The following SERPINI1 variants were observed in gnomAD, a reference collection of about 807,000 sequenced individuals.
SERPINI1 encodes serpin family I member 1.
Under a neutral mutation model 41.1 loss-of-function variants are expected in SERPINI1, and 19 were observed. That is an observed-to-expected ratio of 0.46 (90% CI 0.32 to 0.68). The LOEUF (loss-of-function observed/expected upper bound fraction) is 0.68, where lower values mean the gene tolerates loss of function less well. Among genes scored for constraint, SERPINI1 ranks in the 30% least tolerant of loss-of-function variants. The probability of loss-of-function intolerance (pLI) is 0.03; values close to 1 mark genes in which losing one functional copy is unlikely to be tolerated. For synonymous variants in SERPINI1, 138 were observed against 156.6 expected (o/e 0.88, Z 0.89); for missense variants, 460 against 479.2 (o/e 0.96, Z 0.37).
chr3:167,757,401 T>C (rs1559997108), intron 1 of SERPINI1, among the ~76,000 whole-genome samples: 1 of 152,174 alleles, frequency 6.6e-6, no homozygotes, highest in African/African-American at 2.4e-5. Flanking sequence ...CTCCTTGGTG[T>C]TACATAGGAA....
At chr3:167,809,038 G>A (rs2108568185) in intron 6 of SERPINI1, among the ~76,000 whole-genome samples, 1 of 152,220 alleles carries the variant, frequency 6.6e-6, no homozygotes, top group South Asian at 2.1e-4. Flanking sequence ...TTTTCTAAAT[G>A]TCTACTATAT....
At chr3:167,781,555 G>A (rs970568009) in intron 1 of SERPINI1, among the ~76,000 whole-genome samples, 1 of 148,490 alleles carries the variant, frequency 6.7e-6, no homozygotes, top group Non-Finnish European at 1.5e-5. Context: ...ACATACAAAA[G>A]TCTGAGAATT....
At chr3:167,771,151 C>A (rs1237184504) in intron 1 of SERPINI1, among the ~76,000 whole-genome samples, 2 of 152,100 alleles carry the variant, frequency 1.3e-5, no homozygotes, top group African/African-American at 2.4e-5. Flanking sequence ...TATCTTTTGA[C>A]CCAACAATTT....
chr3:167,806,067 C>T (rs932291099), intron 5 of SERPINI1, among the ~76,000 whole-genome samples: 6 of 152,016 alleles, frequency 3.9e-5, no homozygotes, highest in Non-Finnish European at 2.9e-5. Context: ...GACTTGGAAC[C>T]AACCCAAATG....
intron 5 of SERPINI1, among the ~76,000 whole-genome samples, chr3:167,804,890 C>G (rs1471211256): frequency 1.3e-5 from 2 of 152,072 alleles, no homozygotes; most frequent in East Asian, 3.9e-4. Context: ...TGGTCCATGT[C>G]TTTCACAAGA....
At chr3:167,807,365 A>G in intron 6 of SERPINI1, 24 bp downstream of exon 6, 2 of 1,395,140 alleles carry the variant, frequency 1.4e-6, no homozygotes, top group Non-Finnish European at 2.0e-6. Context: ...ACAAATTTTT[A>G]AAAATGTTAT....
At chr3:167,739,076 C>T (rs927613805) in intron 1 of SERPINI1, among the ~76,000 whole-genome samples, 3 of 149,670 alleles carry the variant, frequency 2.0e-5, no homozygotes, top group Non-Finnish European at 4.4e-5. Flanking sequence ...TCAGAATTAA[C>T]GTACACAAAT....
Position 167,786,443 on chromosome 3 carries a change from G to C in SERPINI1, c.-18-2668G>C, listed in dbSNP as rs1727312819. On this transcript the variant is annotated intron_variant, in intron 1 of 8. Coordinates refer to ENST00000446050, the MANE Select transcript of SERPINI1 (RefSeq NM_001122752.2). ...GAAAGGCGTGAACCCGGGAGGCGGAGGTTGCAGTGAGCCGAGATCGCACCA... is the reference window on the plus strand; with the variant it reads ...GAAAGGCGTGAACCCGGGAGGCGGACGTTGCAGTGAGCCGAGATCGCACCA... Among the ~76,000 whole-genome samples the C allele has an allele frequency of 2.7e-5, 4 of 150,088 alleles. No individual in the cohort carries two copies. The South Asian group carries it at 8.4e-4, about 32-fold the overall frequency.
chr3:167,817,540 G>T (rs924767835), intron 6 of SERPINI1, among the ~76,000 whole-genome samples: 6 of 151,732 alleles, frequency 4.0e-5, no homozygotes, highest in Middle Eastern at 3.4e-3. Context: ...ATGGTTACTG[G>T]ATTATTCAAA....
chr3:167,817,699 G>A (rs1340822520), intron 6 of SERPINI1, among the ~76,000 whole-genome samples: 3 of 151,932 alleles, frequency 2.0e-5, no homozygotes, highest in Admixed American at 1.3e-4. Flanking sequence ...CTGGGTTCAC[G>A]CCATTCTCCT....
intron 1 of SERPINI1, among the ~76,000 whole-genome samples, chr3:167,766,222 C>G (rs1300304647): frequency 8.8e-6 from 1 of 113,886 alleles, no homozygotes; most frequent in Non-Finnish European, 1.7e-5. Context: ...GGGCAATTTA[C>G]CTAAAAAAAA....
intron 1 of SERPINI1, among the ~76,000 whole-genome samples, chr3:167,740,747 C>T (rs1693652574): frequency 6.6e-6 from 1 of 152,188 alleles, no homozygotes; most frequent in Non-Finnish European, 1.5e-5. Flanking sequence ...TGCATGGGCG[C>T]ATGCTTCAGA....
chr3:167,811,759 G>A (rs1255938297), intron 6 of SERPINI1, among the ~76,000 whole-genome samples: 2 of 152,114 alleles, frequency 1.3e-5, no homozygotes, highest in African/African-American at 4.8e-5. Context: ...ACTCATGCCT[G>A]TAATTCCAGC....
At chr3:167,774,289 A>G (rs993198950) in intron 1 of SERPINI1, among the ~76,000 whole-genome samples, 1 of 152,190 alleles carries the variant, frequency 6.6e-6, no homozygotes, top group African/African-American at 2.4e-5. Flanking sequence ...ATTCAAGTTA[A>G]TATTAGTATT....
chr3:167,818,152 A>C (rs1014871977), intron 6 of SERPINI1, among the ~76,000 whole-genome samples: 7 of 151,522 alleles, frequency 4.6e-5, no homozygotes, highest in Non-Finnish European at 1.0e-4. Flanking sequence ...CAGCCTCCCT[A>C]GCAGCTGGGA....
At chr3:167,774,964 C>G (rs920719433) in intron 1 of SERPINI1, among the ~76,000 whole-genome samples, 15 of 152,052 alleles carry the variant, frequency 9.9e-5, no homozygotes, top group Admixed American at 9.8e-4. Context: ...AAACAAGCTA[C>G]AAATATAATA....
intron 1 of SERPINI1, among the ~76,000 whole-genome samples, chr3:167,778,985 T>G (rs909063736): frequency 6.6e-6 from 1 of 152,190 alleles, no homozygotes. Flanking sequence ...CAAAGACAAT[T>G]TCAACTGTAG....
At chr3:167,823,428 T>TTGTCAGCATTAAGAATAACA (rs1326844825) in intron 7 of SERPINI1, among the ~76,000 whole-genome samples, 5 of 152,264 alleles carry the variant, frequency 3.3e-5, no homozygotes, top group African/African-American at 1.2e-4. Context: ...TTGCTGAAGT[T>TTGTCAGCATTAAGAATAACA]GATTCTTAAT....
At chr3:167,763,315 C>T (rs1206817484) in intron 1 of SERPINI1, among the ~76,000 whole-genome samples, 1 of 151,958 alleles carries the variant, frequency 6.6e-6, no homozygotes, top group Non-Finnish European at 1.5e-5. Context: ...TCCTCGTTTC[C>T]CATTCCTCTC....
Sources: gnomAD v4.1 joint callset for allele counts (sites outside exome capture counted in the v4.1 genomes callset) on GRCh38, gnomAD v4.1.1 for gene constraint, MANE v1.5 for transcripts, NCBI Gene and HGNC (gene_info 2026-07-23, HGNC 2026-07-21) for gene names.